The following TNRC6B variants were observed in gnomAD, a reference collection of about 807,000 sequenced individuals.
TNRC6B encodes the protein trinucleotide repeat containing adaptor 6B.
In TNRC6B, 52 loss-of-function variants were observed where a neutral mutation model predicts 203.6. That is an observed-to-expected ratio of 0.26 (90% CI 0.20 to 0.32). The LOEUF (loss-of-function observed/expected upper bound fraction) is 0.32, where lower values mean the gene tolerates loss of function less well. Ranked by LOEUF, TNRC6B falls within the 10% of genes least tolerant of loss-of-function variation. The pLI, the probability that TNRC6B is intolerant of heterozygous loss-of-function variation, is 1.00. For synonymous variants in TNRC6B, 838 were observed against 845.7 expected, an observed-to-expected ratio of 0.99 and a Z score of 0.16; for missense variants, 1,923 against 2,286.2, an observed-to-expected ratio of 0.84 and a Z score of 3.24.
chr22:40,304,961 A>G (rs971099087), intron 15 of TNRC6B, among the ~76,000 whole-genome samples: 2 of 152,216 alleles, frequency 1.3e-5, no homozygotes, highest in African/African-American at 2.4e-5. Flanking sequence ...AAAAATAATT[A>G]TAGAAACTAG....
intron 4 of TNRC6B, among the ~76,000 whole-genome samples, chr22:40,263,018 T>A (rs2070410484): frequency 6.8e-6 from 1 of 148,126 alleles, no homozygotes; most frequent in South Asian, 2.1e-4. Context: ...CCAGCCTGGG[T>A]GACAGAGCCA....
intron 1 of TNRC6B, among the ~76,000 whole-genome samples, chr22:40,058,391 T>G (rs1213190181): frequency 7.0e-6 from 1 of 142,574 alleles, no homozygotes; most frequent in Non-Finnish European, 1.5e-5. Flanking sequence ...CCAAAACTTG[T>G]GACTCAATGT....
intron 1 of TNRC6B, among the ~76,000 whole-genome samples, chr22:40,104,815 C>G (rs573574570): frequency 6.6e-6 from 1 of 152,292 alleles, no homozygotes; most frequent in East Asian, 1.9e-4. Flanking sequence ...ATCTTCACTT[C>G]AACCCCTTAC....
Position 40,277,996 on chromosome 22 carries a change from C to A in TNRC6B, c.3217-3C>A. On this transcript the variant is annotated splice_region_variant and splice_polypyrimidine_tract_variant and intron_variant, in intron 8 of 22. Coordinates refer to ENST00000454349, the MANE Select transcript of TNRC6B (RefSeq NM_001162501.2). Reference sequence around the variant, plus strand: ...TCTCTCTCATCTGTTCTTTATTTTCCAGAGTCAGACTGAAGATAATCCAAG... The same window carrying A: ...TCTCTCTCATCTGTTCTTTATTTTCAAGAGTCAGACTGAAGATAATCCAAG... 1 of 1,556,284 alleles carries A rather than the reference C, an allele frequency of 6.4e-7. No individual in the cohort carries two copies. Among genetic ancestry groups the A allele is most frequent in the African/African-American group, 1.3e-5 (1 of 74,144 alleles).
intron 3 of TNRC6B, among the ~76,000 whole-genome samples, chr22:40,139,033 G>A (rs1175133184): frequency 6.6e-6 from 1 of 151,966 alleles, no homozygotes; most frequent in East Asian, 1.9e-4. Flanking sequence ...CACCATCACT[G>A]CCATCTAATT....
At position 40,323,240 on chromosome 22, in the gene TNRC6B, G is replaced by A; in HGVS notation, c.5501G>A (p.Ter1834=). The A allele has an allele frequency of 6.2e-7, 1 of 1,608,354 alleles. No homozygotes were observed. Among genetic ancestry groups the A allele is most frequent in the Admixed American group, 1.7e-5 (1 of 59,512 alleles). ...DLLGGGSDSI[*] ...CTGGGAGGAGGGTCGGATTCAATCTGAACTTAGAACTTTCAACTCTGACCT... is the reference window on the plus strand; with the variant it reads ...CTGGGAGGAGGGTCGGATTCAATCTAAACTTAGAACTTTCAACTCTGACCT... The change falls in exon 23 of 23, where the codon TGA becomes TAA. Residue 1834 remains the stop codon, a stop_retained_variant. Transcript: ENST00000454349.
chr22:40,110,296 C>T (rs1026864037), intron 1 of TNRC6B, among the ~76,000 whole-genome samples: 2 of 152,138 alleles, frequency 1.3e-5, no homozygotes, highest in East Asian at 1.9e-4. Flanking sequence ...CTGCTTAATT[C>T]TTATGTGACC....
intron 1 of TNRC6B, among the ~76,000 whole-genome samples, chr22:40,047,152 A>G (rs960096951): frequency 2.6e-5 from 4 of 152,180 alleles, no homozygotes; most frequent in African/African-American, 9.7e-5. Flanking sequence ...GTTCCAGGGC[A>G]TAGGTTTAGT....
intron 1 of TNRC6B, among the ~76,000 whole-genome samples, chr22:40,074,914 T>C (rs1328770343): frequency 1.3e-5 from 2 of 151,976 alleles, no homozygotes; most frequent in Admixed American, 6.6e-5. Context: ...GCCGTGGTTG[T>C]ACCACTGCAC....
At chr22:40,165,669 C>T (rs1212555805) in intron 4 of TNRC6B, among the ~76,000 whole-genome samples, 1 of 152,114 alleles carries the variant, frequency 6.6e-6, no homozygotes, top group African/African-American at 2.4e-5. Flanking sequence ...GCTGAGGAGG[C>T]CTCAGGGAAC....
intron 1 of TNRC6B, among the ~76,000 whole-genome samples, chr22:40,053,178 AC>A (rs1387942618): frequency 1.3e-5 from 2 of 151,058 alleles, no homozygotes; most frequent in African/African-American, 2.5e-5. Flanking sequence ...AAAAAAAAAA[AC>A]TATGTTTAGA....
intron 21 of TNRC6B, among the ~76,000 whole-genome samples, chr22:40,316,227 G>A (rs557407856): frequency 3.6e-4 from 54 of 152,094 alleles, no homozygotes; most frequent in African/African-American, 1.2e-3. Context: ...GGTGGCGGGC[G>A]CCTGTAGTCC....
At position 40,062,775 on chromosome 22, in the gene TNRC6B, A is replaced by T. The variant is rs565571767; in HGVS notation, c.-121+17777A>T. Among the ~76,000 whole-genome samples the T allele has an allele frequency of 3.3e-5, 5 of 152,296 alleles. No homozygotes were observed. The South Asian group carries it at 6.2e-4, about 19-fold the overall frequency. Reference sequence around the variant, plus strand: ...GTATATTATTGTTGGAGAAATATCTATTCAGATCCTTTGCCCATTTTTAAA... The same window carrying T: ...GTATATTATTGTTGGAGAAATATCTTTTCAGATCCTTTGCCCATTTTTAAA... On this transcript the variant is annotated intron_variant, in intron 1 of 23. Transcript: ENST00000301923.
intron 1 of TNRC6B, among the ~76,000 whole-genome samples, chr22:40,208,144 G>GA (rs1455016146): frequency 7.1e-6 from 1 of 140,806 alleles, no homozygotes. Context: ...AAAAAAACAA[G>GA]AAAAAAACAA....
chr22:40,233,698 T>G (rs1219889261), intron 1 of TNRC6B, among the ~76,000 whole-genome samples: 1 of 152,158 alleles, frequency 6.6e-6, no homozygotes, highest in Non-Finnish European at 1.5e-5. Context: ...TGCCTTAAAA[T>G]ACGTAAACTG....
chr22:40,224,843 C>T (rs2069762383), intron 1 of TNRC6B, among the ~76,000 whole-genome samples: 1 of 152,228 alleles, frequency 6.6e-6, no homozygotes, highest in South Asian at 2.1e-4. Flanking sequence ...TGAGTGCCTT[C>T]TCCGGGCGCC....
At position 40,247,492 on chromosome 22, in the gene TNRC6B, G is replaced by T. The variant is rs114838000; in HGVS notation, c.93+1390G>T. ...CAGCATAAGAAAAATTCTGAAAATAGTTTCTGAATTGGATTGCATATGTCC... is the reference window on the plus strand; with the variant it reads ...CAGCATAAGAAAAATTCTGAAAATATTTTCTGAATTGGATTGCATATGTCC... On this transcript the variant is annotated intron_variant, in intron 2 of 22. Transcript: ENST00000454349. Among the ~76,000 whole-genome samples the T allele has an allele frequency of 2.2e-3, 341 of 152,258 alleles. 1 individual carries two copies. The highest frequency in any genetic ancestry group is 7.9e-3 in the African/African-American group (327 of 41,560).
chr22:40,178,212 GTGT>G (rs2069088071), intron 1 of TNRC6B, 72 bp downstream of exon 1: 2 of 1,564,230 alleles, frequency 1.3e-6, no homozygotes. Flanking sequence ...TTCACTGGTG[GTGT>G]TGCAAATCGA....
chr22:40,132,949 A>AT (rs1199682521), intron 3 of TNRC6B, among the ~76,000 whole-genome samples: 5 of 71,680 alleles, frequency 7.0e-5, no homozygotes, highest in African/African-American at 3.8e-4. Context: ...GTCTCAAAAA[A>AT]AAAAAAAAAA....
Sources: allele counts gnomAD v4.1 joint callset (sites outside exome capture counted in the v4.1 genomes callset), GRCh38; gene constraint gnomAD v4.1.1; transcripts MANE v1.5; gene names NCBI Gene and HGNC (gene_info 2026-07-23, HGNC 2026-07-21).